DPP10: variants seen among roughly 807,000 people sequenced by gnomAD.
The protein encoded by DPP10 is dipeptidyl peptidase like 10, also known as inactive dipeptidyl peptidase 10.
Under a neutral mutation model 120.9 loss-of-function variants are expected in DPP10, and 33 were observed. That is an observed-to-expected ratio of 0.27 (90% CI 0.21 to 0.37). The LOEUF (loss-of-function observed/expected upper bound fraction) is 0.37. Ranked by LOEUF, DPP10 falls within the 10% of genes least tolerant of loss-of-function variation. The pLI, the probability that DPP10 is intolerant of heterozygous loss-of-function variation, is 1.00. For synonymous variants in DPP10, 337 were observed against 326.1 expected (o/e 1.03, Z -0.36); for missense variants, 816 against 942.8 (o/e 0.87, Z 1.76).
intron 1 of DPP10, among the ~76,000 whole-genome samples, chr2:115,091,152 A>C (rs1709221193): frequency 6.6e-6 from 1 of 152,148 alleles, no homozygotes; most frequent in African/African-American, 2.4e-5. Flanking sequence ...TCCCTGTGCT[A>C]AGAAGCCAGA....
chr2:115,823,030 G>A (rs1173437242), intron 21 of DPP10, among the ~76,000 whole-genome samples: 1 of 151,998 alleles, frequency 6.6e-6, no homozygotes, highest in Non-Finnish European at 1.5e-5. Context: ...AATATATTTA[G>A]CATCATTATC....
intron 1 of DPP10, among the ~76,000 whole-genome samples, chr2:115,020,832 A>G (rs1197033871): frequency 1.3e-5 from 2 of 152,168 alleles, no homozygotes; most frequent in East Asian, 3.8e-4. Flanking sequence ...CTGAGACCAC[A>G]GTCGAATACA....
chr2:114,628,714 G>A (rs1372261118), intron 1 of DPP10, among the ~76,000 whole-genome samples: 5 of 152,110 alleles, frequency 3.3e-5, no homozygotes, highest in African/African-American at 1.2e-4. Context: ...GCGGGGGAAA[G>A]CTTAGACAAA....
intron 1 of DPP10, among the ~76,000 whole-genome samples, chr2:115,164,878 C>T (rs992229509): frequency 6.6e-6 from 1 of 151,754 alleles, no homozygotes; most frequent in Non-Finnish European, 1.5e-5. Context: ...GTGTAGGGAC[C>T]GTGTATTTTA....
At chr2:115,051,969 T>C (rs1328801457) in intron 1 of DPP10, among the ~76,000 whole-genome samples, 6 of 152,212 alleles carry the variant, frequency 3.9e-5, no homozygotes. Flanking sequence ...TCAGTTATAC[T>C]TGTAAAAGCT....
chr2:115,724,944 T>A (rs1406105862), intron 7 of DPP10, among the ~76,000 whole-genome samples: 1 of 151,994 alleles, frequency 6.6e-6, no homozygotes, highest in Non-Finnish European at 1.5e-5. Flanking sequence ...ACGAACCCAC[T>A]CATATTGTGA....
intron 1 of DPP10, among the ~76,000 whole-genome samples, chr2:114,496,308 A>G (rs1307973166): frequency 6.6e-6 from 1 of 152,148 alleles, no homozygotes; most frequent in African/African-American, 2.4e-5. Flanking sequence ...AAGGGACACT[A>G]CAGAATTGGG....
intron 12 of DPP10, among the ~76,000 whole-genome samples, chr2:115,767,547 G>A (rs1315190668): frequency 6.6e-6 from 1 of 151,102 alleles, no homozygotes; most frequent in Admixed American, 6.6e-5. Context: ...TATAGTGTGT[G>A]TATATATACA....
rs181907111 is a variant in DPP10, at chr2:114,527,809, C to A, written c.60+84971C>A. ...CAGCCTATTGCTCCTAAGATACAAA[C>A]CTGTACAGCATGTTACTGTACTGAA... is the stretch of plus-strand genomic sequence containing the variant. On this transcript the variant is annotated intron_variant, in intron 1 of 25. Transcript: ENST00000410059. Among the ~76,000 whole-genome samples, 628 of 152,234 alleles carry A rather than the reference C, an allele frequency of 4.1e-3. 1 individual carries two copies. The highest frequency in any genetic ancestry group is 7.0e-3 in the Non-Finnish European group (473 of 67,994).
At chr2:115,732,979 A>G (rs939092959) in intron 8 of DPP10, among the ~76,000 whole-genome samples, 1 of 152,156 alleles carries the variant, frequency 6.6e-6, no homozygotes, top group Non-Finnish European at 1.5e-5. Flanking sequence ...AGCATAGTAA[A>G]TATAAATATA....
intron 1 of DPP10, among the ~76,000 whole-genome samples, chr2:114,959,966 C>T (rs552916445): frequency 3.9e-4 from 60 of 152,150 alleles, no homozygotes; most frequent in African/African-American, 1.4e-3. Context: ...TTTGAGGATT[C>T]TACAAACTAG....
rs934992650 is a variant in DPP10, at chr2:114,525,787, G to A, written c.60+82949G>A. Among the ~76,000 whole-genome samples the A allele has an allele frequency of 5.3e-5, 8 of 152,138 alleles. No individual in the cohort carries two copies. In the South Asian group the frequency reaches 6.2e-4, roughly 12 times the overall value. On this transcript the variant is annotated intron_variant, in intron 1 of 25. Coordinates refer to ENST00000410059, the MANE Select transcript of DPP10 (RefSeq NM_020868.6). ...TGATTTTATGAACATCTCCATGAAA[G>A]TATCTTTATTTAGCAAATAGCCAAA...
At chr2:115,794,252 T>A (rs1684300393) in intron 19 of DPP10, among the ~76,000 whole-genome samples, 1 of 152,190 alleles carries the variant, frequency 6.6e-6, no homozygotes, top group South Asian at 2.1e-4. Flanking sequence ...TCTGTAGTGA[T>A]GGGTTTACAT....
At position 115,814,857 on chromosome 2, in the gene DPP10, A is replaced by T; in HGVS notation, c.1765A>T (p.Ile589Phe). The change falls in exon 20 of 26, where the codon ATT becomes TTT. Residue 589 changes from isoleucine (I) to phenylalanine (F), a missense_variant. Ile to Phe is a conservative substitution (Grantham distance 21, BLOSUM62 0). Around this residue, in one of 3 missense-constraint regions of DPP10, gnomAD observed 592 missense variants for 649.0 expected, o/e 0.91. Transcript: ENST00000410059. ...CCATATTGACTGGGATTCCGTACTC[A>T]TTGACATGGATAATGTCATTGTAGC... Reference protein sequence around the residue: ...KFHIDWDSVLIDMDNVIVARF... With the variant: ...KFHIDWDSVLFDMDNVIVARF... 1 of 1,608,302 alleles carries T rather than the reference A, an allele frequency of 6.2e-7. No individual in the cohort carries two copies. The highest frequency in any genetic ancestry group is 1.3e-5 in the African/African-American group (1 of 74,994).
At chr2:114,564,872 A>G (rs1479531848) in intron 1 of DPP10, among the ~76,000 whole-genome samples, 1 of 152,208 alleles carries the variant, frequency 6.6e-6, no homozygotes, top group African/African-American at 2.4e-5. Context: ...TTTTGAAATT[A>G]TAATGAAAGA....
At chr2:115,145,800 G>T (rs185128626) in intron 1 of DPP10, among the ~76,000 whole-genome samples, 1 of 152,012 alleles carries the variant, frequency 6.6e-6, no homozygotes, top group Non-Finnish European at 1.5e-5. Context: ...CTCCACATTC[G>T]TGTCAGAATT....
intron 1 of DPP10, among the ~76,000 whole-genome samples, chr2:114,520,910 C>A (rs749341070): frequency 6.6e-6 from 1 of 152,134 alleles, no homozygotes; most frequent in East Asian, 1.9e-4. Context: ...AACAGCTTTC[C>A]GAGATAATAT....
intron 1 of DPP10, among the ~76,000 whole-genome samples, chr2:114,841,559 A>G (rs1271913188): frequency 1.3e-5 from 2 of 152,088 alleles, no homozygotes; most frequent in Non-Finnish European, 2.9e-5. Context: ...TTGAGTTTAT[A>G]TTTTTCATTT....
chr2:114,762,840 A>G (rs1041018068), intron 1 of DPP10, among the ~76,000 whole-genome samples: 16 of 152,342 alleles, frequency 1.1e-4, no homozygotes, highest in African/African-American at 3.6e-4. Flanking sequence ...AGCATCTGTG[A>G]TGTGACTGAT....
Sources: allele counts gnomAD v4.1 joint callset (sites outside exome capture counted in the v4.1 genomes callset), GRCh38; gene constraint gnomAD v4.1.1; regional missense constraint gnomAD v4.1.1; transcripts MANE v1.5; gene names NCBI Gene and HGNC (gene_info 2026-07-23, HGNC 2026-07-21).